AFAP1L2: variants seen among roughly 807,000 people sequenced by gnomAD.
AFAP1L2 encodes actin filament associated protein 1 like 2.
AFAP1L2 carries 46 observed loss-of-function variants against 99.3 expected under a neutral mutation model. The observed-to-expected ratio is 0.46, with a 90% CI of 0.37 to 0.59. The LOEUF is 0.59. Among genes scored for constraint, AFAP1L2 ranks in the 20% least tolerant of loss-of-function variants. AFAP1L2 has a pLI of 0.00. For synonymous variants in AFAP1L2, 397 were observed against 419.1 expected (o/e 0.95, Z 0.64); for missense variants, 959 against 1,034.9 (o/e 0.93, Z 1.01).
At chr10:114,312,709 C>A (rs1018800573) in intron 7 of AFAP1L2, among the ~76,000 whole-genome samples, 2 of 152,218 alleles carry the variant, frequency 1.3e-5, no homozygotes, top group Non-Finnish European at 2.9e-5. Flanking sequence ...AGCTTGTTAG[C>A]TCTCTCAGGA....
intron 7 of AFAP1L2, 81 bp from the exon 8 acceptor site, chr10:114,310,524 C>T: frequency 7.7e-7 from 1 of 1,301,382 alleles, no homozygotes; most frequent in South Asian, 1.3e-5. Flanking sequence ...AGGGCCCCTG[C>T]AGGTCAGGGG....
intron 1 of AFAP1L2, among the ~76,000 whole-genome samples, chr10:114,344,895 G>A (rs2049286934): frequency 6.6e-6 from 1 of 152,158 alleles, no homozygotes; most frequent in Middle Eastern, 3.4e-3. Flanking sequence ...TCAGGAGTTC[G>A]AGACCAGCCT....
intron 6 of AFAP1L2, 152 bp from the exon 7 acceptor site, chr10:114,314,202 G>T: frequency 1.5e-6 from 1 of 652,904 alleles, no homozygotes. Context: ...AAGCAGGCCT[G>T]GAGCCTTAAC....
At chr10:114,386,564 G>A (rs528492550) in intron 1 of AFAP1L2, among the ~76,000 whole-genome samples, 8 of 151,760 alleles carry the variant, frequency 5.3e-5, no homozygotes, top group South Asian at 2.1e-4. Flanking sequence ...CTCTTCCCCC[G>A]GCAGAGATGG....
intron 12 of AFAP1L2, 189 bp downstream of exon 12, chr10:114,302,150 C>G (rs936943538): frequency 1.2e-6 from 1 of 865,206 alleles, no homozygotes; most frequent in East Asian, 2.5e-5. Flanking sequence ...CGGCTCCTTG[C>G]TCTTAGCTCA....
intron 4 of AFAP1L2, among the ~76,000 whole-genome samples, chr10:114,327,530 G>T (rs1179380885): frequency 6.6e-6 from 1 of 152,042 alleles, no homozygotes; most frequent in Non-Finnish European, 1.5e-5. Context: ...AGCGAGTCAG[G>T]CTTGGCAGGA....
intron 1 of AFAP1L2, among the ~76,000 whole-genome samples, chr10:114,356,732 G>A (rs1420240496): frequency 1.3e-5 from 2 of 152,300 alleles, no homozygotes; most frequent in East Asian, 3.9e-4. Context: ...CCTGCCCAAG[G>A]CTTTCTAAAC....
At chr10:114,372,566 A>AT (rs1190919170) in intron 1 of AFAP1L2, among the ~76,000 whole-genome samples, 2 of 151,916 alleles carry the variant, frequency 1.3e-5, no homozygotes, top group African/African-American at 2.4e-5. Context: ...ATTTCCTTCT[A>AT]TTTTTATTAA....
chr10:114,336,509 C>A (rs553450873), intron 2 of AFAP1L2, among the ~76,000 whole-genome samples: 1 of 152,186 alleles, frequency 6.6e-6, no homozygotes, highest in Admixed American at 6.5e-5. Flanking sequence ...GAAATGACTA[C>A]GGCCTGAAGG....
chr10:114,403,959 G>T (rs1440886523), intron 1 of AFAP1L2, among the ~76,000 whole-genome samples: 2 of 152,206 alleles, frequency 1.3e-5, no homozygotes, highest in Non-Finnish European at 2.9e-5. Context: ...GGGTCTGCGC[G>T]CCCACTCCAC....
intron 1 of AFAP1L2, chr10:114,398,800 C>G: frequency 7.7e-7 from 1 of 1,301,424 alleles, no homozygotes; most frequent in Non-Finnish European, 1.0e-6. Context: ...CCTCGGGAGC[C>G]CTGGAGGCCA....
chr10:114,323,847 A>G (rs1283043566), intron 4 of AFAP1L2, among the ~76,000 whole-genome samples: 2 of 152,222 alleles, frequency 1.3e-5, no homozygotes, highest in Non-Finnish European at 2.9e-5. Flanking sequence ...GCTCCTGGTC[A>G]AGTGCATTGT....
Position 114,377,880 on chromosome 10 carries a change from A to T in AFAP1L2, c.16+26560T>A, listed in dbSNP as rs2055016065. ...CCTCCATATGTCTGAGGGATTCTACAGAGAGCTCAAATGTGTTTCCTACAC... is the reference window on the plus strand; with the variant it reads ...CCTCCATATGTCTGAGGGATTCTACTGAGAGCTCAAATGTGTTTCCTACAC... On this transcript the variant is annotated intron_variant, in intron 1 of 18. Coordinates refer to ENST00000304129, the MANE Select transcript of AFAP1L2 (RefSeq NM_001001936.3). This position sits in a 1 kb window ranked among gnomAD's most constrained non-coding sequence, Gnocchi z 4.0. Among the ~76,000 whole-genome samples, 2 of 152,244 alleles carry T rather than the reference A, an allele frequency of 1.3e-5. No individual in the cohort carries two copies.
At chr10:114,341,517 G>A (rs2048823147) in intron 1 of AFAP1L2, among the ~76,000 whole-genome samples, 1 of 151,854 alleles carries the variant, frequency 6.6e-6, no homozygotes, top group Non-Finnish European at 1.5e-5. Context: ...GGAGGCTGAG[G>A]CAGGAGAATC....
rs1388337567 is a variant in AFAP1L2 at position 114,300,178 on chromosome 10, C to A, written c.1957+16G>T. 1.2e-6 allele frequency: 2 copies of A among 1,614,144 alleles called. No homozygotes were observed. The highest frequency in any genetic ancestry group is 3.3e-5 in the Admixed American group (2 of 60,020). On this transcript the variant is annotated intron_variant, in intron 15 of 18. Coordinates refer to ENST00000304129, the MANE Select transcript of AFAP1L2 (RefSeq NM_001001936.3). ...AATACAGATGGAATCGGGCTAACTTCCCCAAGCACAAGTACCTGCACTGGT... is the reference window on the plus strand; with the variant it reads ...AATACAGATGGAATCGGGCTAACTTACCCAAGCACAAGTACCTGCACTGGT...
At chr10:114,296,204 C>T (rs760711701) in intron 18 of AFAP1L2, 136 bp from the exon 19 acceptor site, 5 of 1,232,566 alleles carry the variant, frequency 4.1e-6, no homozygotes, top group Admixed American at 3.6e-5. Context: ...TGTTTCAAAC[C>T]CTGTGTGTTC....
intron 1 of AFAP1L2, among the ~76,000 whole-genome samples, chr10:114,368,767 AACACACACACACACACACAC>A (rs34854872): frequency 1.2e-4 from 17 of 140,746 alleles, no homozygotes; most frequent in South Asian, 7.5e-4. Context: ...GTGTCCTTAC[AACACACACACACACACACAC>A]ACACACACAC....
At chr10:114,311,070 G>A (rs531338449) in intron 7 of AFAP1L2, among the ~76,000 whole-genome samples, 14 of 150,512 alleles carry the variant, frequency 9.3e-5, no homozygotes, top group African/African-American at 2.7e-4. Context: ...TTCTGAAAGC[G>A]TTCTTGTCTT....
the AFAP1L2 span, chr10:114,289,392 G>A: frequency 2.5e-6 from 4 of 1,602,086 alleles, no homozygotes; most frequent in South Asian, 1.1e-5. Context: ...GTGAGGGTCT[G>A]CGGAGGCTTG....
Sources: allele counts gnomAD v4.1 joint callset (sites outside exome capture counted in the v4.1 genomes callset), GRCh38; gene constraint gnomAD v4.1.1; non-coding constraint Gnocchi (gnomAD v3.1); transcripts MANE v1.5; gene names NCBI Gene and HGNC (gene_info 2026-07-23, HGNC 2026-07-21).